ITPR2: variants seen among roughly 807,000 people sequenced by gnomAD.
The protein encoded by ITPR2 is inositol 1,4,5-trisphosphate receptor type 2, also known as inositol 1,4,5-trisphosphate-gated calcium channel ITPR2.
Under a neutral mutation model 317.1 loss-of-function variants are expected in ITPR2, and 207 were observed. The ratio of observed to expected loss-of-function variants is 0.65; its 90% CI spans 0.58 to 0.73. The LOEUF is 0.73. ITPR2 is among the 30% of genes least tolerant of loss of function. ITPR2 has a pLI of 0.00. For synonymous variants in ITPR2, 1,156 were observed against 1,149.1 expected (o/e 1.01, Z -0.12); for missense variants, 2,613 against 3,284.0 (o/e 0.80, Z 4.99).
chr12:26,581,617 T>C (rs1945407245), intron 32 of ITPR2, among the ~76,000 whole-genome samples: 1 of 152,168 alleles, frequency 6.6e-6, no homozygotes, highest in Admixed American at 6.6e-5. Context: ...AGGACTCTTA[T>C]TTTGTTTTAG....
intron 13 of ITPR2, among the ~76,000 whole-genome samples, chr12:26,680,466 A>AT (rs1390596376): frequency 6.6e-6 from 1 of 152,088 alleles, no homozygotes; most frequent in Non-Finnish European, 1.5e-5. Flanking sequence ...TGTTTTTTAA[A>AT]TTTTTTTAAC....
intron 50 of ITPR2, among the ~76,000 whole-genome samples, chr12:26,418,280 A>G (rs1940785095): frequency 6.6e-6 from 1 of 152,166 alleles, no homozygotes; most frequent in South Asian, 2.1e-4. Flanking sequence ...TTATTGGACA[A>G]TGCTCTCCAC....
chr12:26,493,764 C>T (rs951067942), intron 39 of ITPR2, among the ~76,000 whole-genome samples: 1 of 152,070 alleles, frequency 6.6e-6, no homozygotes, highest in Admixed American at 6.5e-5. Flanking sequence ...GGGAACACTC[C>T]CCAGCACTCG....
intron 36 of ITPR2, among the ~76,000 whole-genome samples, chr12:26,554,057 C>T (rs1207372695): frequency 6.6e-6 from 1 of 152,206 alleles, no homozygotes; most frequent in Non-Finnish European, 1.5e-5. Context: ...ACTTCTGCTT[C>T]TCTCCTTTCA....
chr12:26,476,690 A>G (rs1273679223), intron 44 of ITPR2, among the ~76,000 whole-genome samples: 1 of 152,168 alleles, frequency 6.6e-6, no homozygotes, highest in Admixed American at 6.5e-5. Context: ...TGGCTAAGAA[A>G]AGTGCTTAGA....
chr12:26,475,386 T>C lies in ITPR2; in HGVS notation c.6252A>G (p.Gly2084=), dbSNP rs1942393843. ...CATCATCCCCATGGTCACATTCCAA[T>C]CCTTGGTTATAGGCATTCTTCATCA... is the stretch of plus-strand genomic sequence containing the variant. ...VDVMKNAYNQ[G]LECDHGDDEG... Residue 2084 remains glycine, a synonymous_variant, in exon 45 of 57, where the codon GGA becomes GGG. Coordinates refer to ENST00000381340, the MANE Select transcript of ITPR2 (RefSeq NM_002223.4). 6.2e-7 allele frequency: 1 copy of C among 1,613,272 alleles called. No homozygotes were observed. The highest frequency in any genetic ancestry group is 1.7e-5 in the Admixed American group (1 of 59,948).
chr12:26,348,798 G>A (rs905418912), intron 55 of ITPR2, among the ~76,000 whole-genome samples: 2 of 152,140 alleles, frequency 1.3e-5, no homozygotes, highest in Non-Finnish European at 2.9e-5. Flanking sequence ...GACCATCTTG[G>A]TCAACATAGC....
chr12:26,721,180 T>C, intron 5 of ITPR2: 1 of 437,622 alleles, frequency 2.3e-6, no homozygotes, highest in East Asian at 3.3e-5. Context: ...ACACATCACC[T>C]GATGTCAAAA....
intron 21 of ITPR2, among the ~76,000 whole-genome samples, chr12:26,641,545 T>C (rs1439680135): frequency 6.6e-6 from 1 of 152,128 alleles, no homozygotes; most frequent in Non-Finnish European, 1.5e-5. Context: ...AGGCAAAGTA[T>C]ATAAGCTGTT....
rs552482365 is a variant in ITPR2 at position 26,727,691 on chromosome 12, C to A, written c.164-1926G>T. ...CCCCTACAGGGGGTCATGCCCTGCACGAACAGGGGTTAAGCCTCAGACCCT... is the reference window on the plus strand; with the variant it reads ...CCCCTACAGGGGGTCATGCCCTGCAAGAACAGGGGTTAAGCCTCAGACCCT... On this transcript the variant is annotated intron_variant, in intron 2 of 56. Transcript: ENST00000381340. Among the ~76,000 whole-genome samples, 7 of 152,242 alleles carry A rather than the reference C, an allele frequency of 4.6e-5. No individual in the cohort carries two copies. The East Asian group carries it at 1.4e-3, about 29-fold the overall frequency.
In ITPR2 at chr12:26,762,656, T is replaced by C. The variant is rs566705378; in HGVS notation, c.163+27501A>G. On this transcript the variant is annotated intron_variant, in intron 2 of 56. Transcript: ENST00000381340. The stretch of plus-strand genomic sequence containing the variant: ...AAAATTCACTTTAAAGGTAAGATTA[T>C]AGTCAAATTCAGAATCATCTACTGT... Among the ~76,000 whole-genome samples, 32 of 152,328 alleles carry C rather than the reference T, an allele frequency of 2.1e-4. No individual in the cohort carries two copies. In the East Asian group the frequency reaches 5.2e-3, roughly 25 times the overall value.
intron 1 of ITPR2, among the ~76,000 whole-genome samples, chr12:26,818,036 C>T (rs1158361424): frequency 1.3e-5 from 2 of 152,152 alleles, no homozygotes; most frequent in African/African-American, 2.4e-5. Context: ...TTGGAGAAAT[C>T]ACTAGTAGTC....
chr12:26,568,160 C>G (rs1945064271), intron 34 of ITPR2, among the ~76,000 whole-genome samples: 1 of 150,858 alleles, frequency 6.6e-6, no homozygotes, highest in Non-Finnish European at 1.5e-5. Flanking sequence ...ATAGCATTAA[C>G]TCCAACTATG....
intron 2 of ITPR2, among the ~76,000 whole-genome samples, chr12:26,736,098 T>C (rs1344866708): frequency 2.0e-5 from 3 of 152,190 alleles, no homozygotes; most frequent in African/African-American, 4.8e-5. Flanking sequence ...GAAACAATCA[T>C]TAGATATCTA....
chr12:26,388,107 A>T (rs1421361284), intron 54 of ITPR2, among the ~76,000 whole-genome samples: 1 of 152,262 alleles, frequency 6.6e-6, no homozygotes, highest in African/African-American at 2.4e-5. Context: ...GAGGACAGCA[A>T]GTGCTCAGAC....
chr12:26,631,793 AC>A, intron 22 of ITPR2, 72 bp downstream of exon 22: 1 of 1,334,154 alleles, frequency 7.5e-7, no homozygotes, highest in Non-Finnish European at 1.1e-6. Context: ...GTGATTTGGA[AC>A]AAAAAGGGTA....
intron 1 of ITPR2, among the ~76,000 whole-genome samples, chr12:26,790,841 G>A (rs974762626): frequency 6.6e-6 from 1 of 152,122 alleles, no homozygotes; most frequent in African/African-American, 2.4e-5. Flanking sequence ...TCCTAGCTAG[G>A]TGACTTCAGG....
rs1939210285 is a variant in ITPR2, at chr12:26,372,307, A to C, written c.7857+15127T>G. 2.0e-5 allele frequency among the ~76,000 whole-genome samples: 3 copies of C among 152,192 alleles called. No homozygotes were observed. In the East Asian group the frequency reaches 5.8e-4, roughly 29 times the overall value. On this transcript the variant is annotated intron_variant, in intron 55 of 56. Coordinates refer to ENST00000381340, the MANE Select transcript of ITPR2 (RefSeq NM_002223.4). The stretch of plus-strand genomic sequence containing the variant: ...TAGATCATGGTAGGCACTAAGCAAA[A>C]GTTGTTGAATAAATAATAATTTATT...
intron 55 of ITPR2, among the ~76,000 whole-genome samples, chr12:26,378,989 C>T (rs764264950): frequency 2.0e-5 from 3 of 152,122 alleles, no homozygotes; most frequent in South Asian, 2.1e-4. Context: ...GTGCCATGTG[C>T]GCTGCCGAGA....
Sources: gnomAD v4.1 joint callset for allele counts (sites outside exome capture counted in the v4.1 genomes callset) on GRCh38, gnomAD v4.1.1 for gene constraint, MANE v1.5 for transcripts, NCBI Gene and HGNC (gene_info 2026-07-23, HGNC 2026-07-21) for gene names.